Variants in HPSE2 observed in about 807,000 individuals in gnomAD.
The protein encoded by HPSE2 is inactive heparanase-2.
A neutral mutation model predicts 60.5 loss-of-function variants in HPSE2; 38 were observed. The ratio of observed to expected loss-of-function variants is 0.63; its 90% CI spans 0.48 to 0.82. The LOEUF (loss-of-function observed/expected upper bound fraction) is 0.82. HPSE2 is among the 40% of genes least tolerant of loss of function. The pLI is 0.00. For missense variants in HPSE2, 713 were observed against 740.4 expected (o/e 0.96, Z 0.43); for synonymous variants, 295 against 293.2 (o/e 1.01, Z -0.06).
intron 3 of HPSE2, among the ~76,000 whole-genome samples, chr10:99,027,914 T>A (rs1013088133): frequency 1.1e-4 from 16 of 152,192 alleles, no homozygotes; most frequent in African/African-American, 3.4e-4. Flanking sequence ...AACCACATGA[T>A]CATTTCAATT....
intron 3 of HPSE2, among the ~76,000 whole-genome samples, chr10:98,932,721 A>G (rs2135114978): frequency 7.0e-6 from 1 of 142,820 alleles, no homozygotes; most frequent in East Asian, 2.0e-4. Flanking sequence ...GTATGTGTCC[A>G]GGAATTTATG....
intron 3 of HPSE2, among the ~76,000 whole-genome samples, chr10:99,000,489 G>A (rs1004409059): frequency 3.3e-4 from 50 of 152,030 alleles, no homozygotes; most frequent in African/African-American, 1.1e-3. Flanking sequence ...AGAGATAATG[G>A]CTAAGAACAG....
chr10:99,127,777 A>C (rs1433603271), intron 3 of HPSE2, among the ~76,000 whole-genome samples: 2 of 152,248 alleles, frequency 1.3e-5, no homozygotes, highest in Non-Finnish European at 2.9e-5. Context: ...AGAAAAACCT[A>C]TAAGATTAAC....
chr10:98,550,473 T>A (rs910895616), intron 9 of HPSE2, among the ~76,000 whole-genome samples: 7 of 81,230 alleles, frequency 8.6e-5, no homozygotes, highest in Non-Finnish European at 1.3e-4. Context: ...CTTTCTTAAA[T>A]TTTTTTTTTT....
chr10:99,260,284 C>T, the HPSE2 span, among the ~76,000 whole-genome samples: 1 of 151,786 alleles, frequency 6.6e-6, no homozygotes, highest in Non-Finnish European at 1.5e-5. Context: ...AGCCTTGTTG[C>T]CCACACAAAG....
chr10:99,268,695 C>T, the HPSE2 span, among the ~76,000 whole-genome samples: 1 of 147,148 alleles, frequency 6.8e-6, no homozygotes, highest in Non-Finnish European at 1.5e-5. Context: ...AAAACAGAAA[C>T]ACAATAAATA....
chr10:98,920,919 A>T (rs1259331535), intron 3 of HPSE2, among the ~76,000 whole-genome samples: 1 of 152,188 alleles, frequency 6.6e-6, no homozygotes, highest in Non-Finnish European at 1.5e-5. Flanking sequence ...TGCTGCAAAC[A>T]GCTTCGTCCA....
chr10:98,670,737 T>C (rs11189743), intron 6 of HPSE2, among the ~76,000 whole-genome samples: 3,105 of 152,316 alleles, frequency 0.02, 125 homozygotes, highest in East Asian at 0.17. Context: ...TAGAAGAACA[T>C]TGTGAAACTC....
At chr10:98,903,099 G>T (rs1382549333) in intron 3 of HPSE2, among the ~76,000 whole-genome samples, 1 of 152,086 alleles carries the variant, frequency 6.6e-6, no homozygotes, top group Non-Finnish European at 1.5e-5. Flanking sequence ...GCCATAAAAA[G>T]CAAGTACTTT....
intron 3 of HPSE2, among the ~76,000 whole-genome samples, chr10:98,982,189 A>T (rs1169185987): frequency 1.3e-5 from 2 of 152,192 alleles, no homozygotes; most frequent in African/African-American, 2.4e-5. Context: ...ACTCCCACTG[A>T]TCTGAACAGT....
At chr10:98,770,502 A>G (rs1950216912) in intron 3 of HPSE2, among the ~76,000 whole-genome samples, 1 of 152,216 alleles carries the variant, frequency 6.6e-6, no homozygotes, top group African/African-American at 2.4e-5. Context: ...TCAATGACTG[A>G]ACACAGTAGC....
chr10:98,744,727 T>C (rs1303298830), intron 3 of HPSE2, among the ~76,000 whole-genome samples: 2 of 152,088 alleles, frequency 1.3e-5, no homozygotes, highest in Non-Finnish European at 2.9e-5. Flanking sequence ...AGTCAGACAA[T>C]ATGGCACTGC....
At chr10:99,051,532 A>C (rs1957991232) in intron 3 of HPSE2, among the ~76,000 whole-genome samples, 1 of 152,162 alleles carries the variant, frequency 6.6e-6, no homozygotes, top group Admixed American at 6.5e-5. Flanking sequence ...GGAGAAGAAA[A>C]AGCCATAGAA....
intron 2 of HPSE2, among the ~76,000 whole-genome samples, chr10:99,229,410 T>C (rs915649783): frequency 6.6e-6 from 1 of 152,212 alleles, no homozygotes; most frequent in African/African-American, 2.4e-5. Context: ...TCATTAAATC[T>C]TACTCACTCC....
chr10:98,544,109 A>T (rs1474019961), intron 9 of HPSE2, among the ~76,000 whole-genome samples: 1 of 152,042 alleles, frequency 6.6e-6, no homozygotes, highest in African/African-American at 2.4e-5. Context: ...ATGCAAAAGA[A>T]TAGAAATTTT....
the HPSE2 span, among the ~76,000 whole-genome samples, chr10:99,283,482 C>T: frequency 2.7e-5 from 4 of 148,386 alleles, no homozygotes; most frequent in African/African-American, 7.5e-5. Flanking sequence ...GCCTGGGTGA[C>T]ACAGCAAGAC....
chr10:98,869,769 A>G (rs1215603424), intron 3 of HPSE2, among the ~76,000 whole-genome samples: 3 of 152,146 alleles, frequency 2.0e-5, no homozygotes, highest in African/African-American at 7.2e-5. Flanking sequence ...CACTAAATAA[A>G]TTGTGTGATC....
At chr10:98,731,182 A>T (rs1949218266) in intron 4 of HPSE2, among the ~76,000 whole-genome samples, 1 of 152,136 alleles carries the variant, frequency 6.6e-6, no homozygotes, top group African/African-American at 2.4e-5. Flanking sequence ...GCTACTCAGG[A>T]GGCTGAGGCA....
At chr10:99,185,683 A>C (rs1351238122) in intron 2 of HPSE2, among the ~76,000 whole-genome samples, 1 of 151,886 alleles carries the variant, frequency 6.6e-6, no homozygotes, top group Non-Finnish European at 1.5e-5. Flanking sequence ...CTGAGGCAGG[A>C]GAATGGCGTG....
Sources: allele counts gnomAD v4.1 joint callset (sites outside exome capture counted in the v4.1 genomes callset), GRCh38; gene constraint gnomAD v4.1.1; transcripts MANE v1.5; gene names NCBI Gene and HGNC (gene_info 2026-07-23, HGNC 2026-07-21).